Variants in PDZD8 observed in about 807,000 individuals in gnomAD.
PDZD8 encodes PDZ domain containing 8.
PDZD8 carries 14 observed loss-of-function variants against 85.8 expected under a neutral mutation model. That is an observed-to-expected ratio of 0.16 (90% confidence interval 0.11 to 0.26). PDZD8 has a LOEUF of 0.26. Among genes scored for constraint, PDZD8 ranks in the 10% least tolerant of loss-of-function variants. PDZD8 has a pLI of 1.00. For synonymous variants in PDZD8, 592 were observed against 568.6 expected (o/e 1.04, Z -0.59); for missense variants, 1,197 against 1,424.3 (o/e 0.84, Z 2.57).
At chr10:117,303,423 G>A (rs918003841) in intron 3 of PDZD8, among the ~76,000 whole-genome samples, 1 of 152,132 alleles carries the variant, frequency 6.6e-6, no homozygotes, top group Non-Finnish European at 1.5e-5. Context: ...AAAGACATTT[G>A]GTTTTATAAG....
At chr10:117,349,932 T>G (rs1469088187) in intron 1 of PDZD8, among the ~76,000 whole-genome samples, 1 of 152,244 alleles carries the variant, frequency 6.6e-6, no homozygotes, top group African/African-American at 2.4e-5. Context: ...TGAAATCTTT[T>G]ATCTTCTGAA....
intron 2 of PDZD8, among the ~76,000 whole-genome samples, chr10:117,331,863 T>C (rs769341506): frequency 2.0e-5 from 3 of 152,062 alleles, no homozygotes; most frequent in Non-Finnish European, 4.4e-5. Flanking sequence ...GAAAAGGATA[T>C]GGGGAAGAAA....
At chr10:117,344,906 T>C (rs1333854777) in intron 1 of PDZD8, among the ~76,000 whole-genome samples, 1 of 152,102 alleles carries the variant, frequency 6.6e-6, no homozygotes, top group Non-Finnish European at 1.5e-5. Context: ...CACAGAACAC[T>C]GAGAATACTG....
Position 117,277,434 on chromosome 10 carries a change from TAAAGAA to T in PDZD8, c.*5828_*5833del. On this transcript the variant is annotated 3_prime_UTR_variant, in exon 5 of 5. Coordinates refer to ENST00000334464, the MANE Select transcript of PDZD8 (RefSeq NM_173791.5). ...TTATGGTCGATTGCCAACAGCCTTA[TAAAGAA>T]AAAGAAGCTTTTCTAGGGGTTTGTA... 2.4e-6 allele frequency: 1 copy of T among 424,748 alleles called. No individual in the cohort carries two copies. Among genetic ancestry groups the T allele is most frequent in the Admixed American group, 4.2e-5 (1 of 23,812 alleles). The allele number at this position is 424,748 out of a possible 1,614,324, so 26.3% of individuals were successfully genotyped here.
chr10:117,292,025 T>C (rs975586462), intron 3 of PDZD8, among the ~76,000 whole-genome samples: 1 of 152,166 alleles, frequency 6.6e-6, no homozygotes, highest in Non-Finnish European at 1.5e-5. Flanking sequence ...AATACCCTAA[T>C]ATCCAAATAT....
At chr10:117,297,641 G>C (rs774719470) in intron 3 of PDZD8, among the ~76,000 whole-genome samples, 20 of 152,230 alleles carry the variant, frequency 1.3e-4, no homozygotes, top group Non-Finnish European at 2.6e-4. Context: ...ATCTGGATAA[G>C]CCTATAAGTT....
intron 2 of PDZD8, among the ~76,000 whole-genome samples, chr10:117,324,585 T>C (rs958149951): frequency 6.6e-6 from 1 of 152,184 alleles, no homozygotes; most frequent in African/African-American, 2.4e-5. Flanking sequence ...AGATTCATTA[T>C]AAGTACTCTG....
chr10:117,336,999 G>GA (rs1194805068), intron 2 of PDZD8, among the ~76,000 whole-genome samples: 1 of 151,850 alleles, frequency 6.6e-6, no homozygotes, highest in Non-Finnish European at 1.5e-5. Context: ...TGAGGCAAAA[G>GA]AATGGCGTGA....
At chr10:117,344,675 C>T (rs1316557317) in intron 1 of PDZD8, among the ~76,000 whole-genome samples, 2 of 152,202 alleles carry the variant, frequency 1.3e-5, no homozygotes, top group East Asian at 1.9e-4. Context: ...GCGTGAGCCA[C>T]CACGCCCGGC....
At position 117,285,347 on chromosome 10, in the gene PDZD8, A is replaced by G. The variant is rs1356923489; in HGVS notation, c.1386T>C (p.Phe462=). Residue 462 remains phenylalanine (F), a synonymous_variant, in exon 5 of 5, where the codon TTT becomes TTC. Coordinates refer to ENST00000334464, the MANE Select transcript of PDZD8 (RefSeq NM_173791.5). Reference sequence around the variant, plus strand: ...ACAAAAAGTTTTCTTCCAACTGGCCAAAGTTATCTTGCAGCACTGCACCTT... The same window carrying G: ...ACAAAAAGTTTTCTTCCAACTGGCCGAAGTTATCTTGCAGCACTGCACCTT... ...SNQGAVLQDN[F]GQLEENFLSS... 3.1e-6 allele frequency: 5 copies of G among 1,614,138 alleles called. No individual in the cohort carries two copies. The highest frequency in any genetic ancestry group is 3.4e-6 in the Non-Finnish European group (4 of 1,180,020).
intron 1 of PDZD8, among the ~76,000 whole-genome samples, chr10:117,357,094 G>C (rs1194360428): frequency 6.6e-6 from 1 of 152,158 alleles, no homozygotes; most frequent in Admixed American, 6.5e-5. Flanking sequence ...ATGTTAAACT[G>C]CTATTTAGAA....
In PDZD8 at chr10:117,281,580, G is replaced by A. The variant is rs933683198; in HGVS notation, c.*1688C>T. 1 of 152,058 alleles carries A rather than the reference G, an allele frequency of 6.6e-6. No individual in the cohort carries two copies. Among genetic ancestry groups the A allele is most frequent in the African/African-American group, 2.4e-5 (1 of 41,394 alleles). 9.4% of individuals were successfully genotyped at this position (152,058 alleles called of 1,614,324 possible). On this transcript the variant is annotated 3_prime_UTR_variant, in exon 5 of 5. Transcript: ENST00000334464. ...TGTCTTTCTTACTCATATAAATAAT[G>A]CCTTTTACTTGTATATCTTTTTACT...
intron 1 of PDZD8, among the ~76,000 whole-genome samples, chr10:117,361,503 A>G (rs1203930718): frequency 6.6e-6 from 1 of 152,188 alleles, no homozygotes; most frequent in African/African-American, 2.4e-5. Context: ...ATCTCTTCTG[A>G]AGTCTTGTGG....
At chr10:117,296,809 C>T (rs547047072) in intron 3 of PDZD8, among the ~76,000 whole-genome samples, 1 of 151,982 alleles carries the variant, frequency 6.6e-6, no homozygotes, top group Admixed American at 6.6e-5. Context: ...TGAACCTAAA[C>T]TTAAGGACTA....
intron 3 of PDZD8, among the ~76,000 whole-genome samples, chr10:117,298,254 T>G (rs1843788257): frequency 1.3e-5 from 2 of 152,132 alleles, no homozygotes; most frequent in Non-Finnish European, 2.9e-5. Flanking sequence ...AATACTTGCA[T>G]GTGGTTAAAA....
In PDZD8 at chr10:117,283,692, A is replaced by G. The variant is rs1205650901; in HGVS notation, c.3041T>C (p.Ile1014Thr). Residue 1014 changes from isoleucine to threonine, a missense_variant, in exon 5 of 5, where the codon ATT (isoleucine) becomes ACT (threonine). Transcript: ENST00000334464. ...ATCACGACCAATTTCTTTAACTGCA[A>G]TGAAAACACTGTCATCCAGACCACC... is the stretch of plus-strand genomic sequence containing the variant. ...KEGGLDDSVF[I>T]AVKEIGRDLY... 1.2e-6 allele frequency: 2 copies of G among 1,614,176 alleles called. No homozygotes were observed. Among genetic ancestry groups the G allele is most frequent in the African/African-American group, 1.3e-5 (1 of 75,034 alleles).
Position 117,277,622 on chromosome 10 carries a change from AT to A in PDZD8, c.*5645del, listed in dbSNP as rs1321236135. The stretch of plus-strand genomic sequence containing the variant: ...TAACAAACATTTGGGCAAAAATCAT[AT>A]TGGTAATGAGTGTTTAAAATTAAAG... On this transcript the variant is annotated 3_prime_UTR_variant, in exon 5 of 5. Coordinates refer to ENST00000334464, the MANE Select transcript of PDZD8 (RefSeq NM_173791.5). The A allele has an allele frequency of 4.5e-5, 7 of 156,218 alleles. No homozygotes were observed. The highest frequency in any genetic ancestry group is 1.4e-4 in the African/African-American group (6 of 41,564). 9.7% of individuals were successfully genotyped at this position (156,218 alleles called of 1,614,324 possible).
chr10:117,328,809 T>C (rs963247742), intron 2 of PDZD8, among the ~76,000 whole-genome samples: 3 of 152,158 alleles, frequency 2.0e-5, no homozygotes, highest in Non-Finnish European at 4.4e-5. Flanking sequence ...GCCAATTAGA[T>C]CTATAATTAA....
intron 1 of PDZD8, among the ~76,000 whole-genome samples, chr10:117,371,782 A>AT (rs869213466): frequency 1.3e-5 from 2 of 151,826 alleles, no homozygotes; most frequent in African/African-American, 2.4e-5. Flanking sequence ...TACAAAAAAA[A>AT]TTTTTTTTTA....
Sources: allele counts gnomAD v4.1 joint callset (sites outside exome capture counted in the v4.1 genomes callset), GRCh38; gene constraint gnomAD v4.1.1; transcripts MANE v1.5; gene names NCBI Gene and HGNC (gene_info 2026-07-23, HGNC 2026-07-21).